The following FRMPD3 variants were observed in gnomAD, a reference collection of about 807,000 sequenced individuals.
FRMPD3 encodes FERM and PDZ domain containing 3.
A neutral mutation model predicts 97.9 loss-of-function variants in FRMPD3; 42 were observed. The observed-to-expected ratio is 0.43, with a 90% CI of 0.34 to 0.55. The LOEUF (loss-of-function observed/expected upper bound fraction) is 0.55. Among genes scored for constraint, FRMPD3 ranks in the 20% least tolerant of loss-of-function variants. FRMPD3 has a pLI of 0.03. For synonymous variants in FRMPD3, 577 were observed against 581.1 expected (o/e 0.99, Z 0.10); for missense variants, 1,303 against 1,457.7 (o/e 0.89, Z 1.73).
intron 11 of FRMPD3, among the ~76,000 whole-genome samples, chrX:107,564,580 C>T (rs1293654780): frequency 2.7e-5 from 3 of 112,137 alleles, no homozygotes; most frequent in Admixed American, 9.4e-5. Context: ...TCCAAAGGCC[C>T]CCAAACAAAC....
intron 2 of FRMPD3, among the ~76,000 whole-genome samples, chrX:107,528,260 C>A (rs751944108): frequency 3.6e-5 from 4 of 111,322 alleles, no homozygotes; most frequent in Admixed American, 1.9e-4. Flanking sequence ...TATTTGAGGC[C>A]GTAATAAAGA....
At chrX:107,516,446 G>A (rs1415661999) in intron 1 of FRMPD3, among the ~76,000 whole-genome samples, 1 of 111,378 alleles carries the variant, frequency 9.0e-6, no homozygotes, top group Non-Finnish European at 1.9e-5. Flanking sequence ...CTGAGGAATC[G>A]CCACACTGAC....
intron 1 of FRMPD3, among the ~76,000 whole-genome samples, chrX:107,497,645 T>A (rs768397721): frequency 1.4e-4 from 16 of 112,381 alleles, no homozygotes; most frequent in Non-Finnish European, 2.8e-4. Flanking sequence ...AATGACAGTG[T>A]CAAACTGGGG....
At chrX:107,581,393 G>A (rs765181965) in intron 13 of FRMPD3, among the ~76,000 whole-genome samples, 3 of 110,251 alleles carry the variant, frequency 2.7e-5, no homozygotes, top group Non-Finnish European at 5.7e-5. Context: ...TTACAGGCAT[G>A]AGCCACCACG....
chrX:107,573,281 G>T (rs1374344784), intron 12 of FRMPD3, among the ~76,000 whole-genome samples: 1 of 111,048 alleles, frequency 9.0e-6, no homozygotes, highest in Admixed American at 9.6e-5. Flanking sequence ...GGATGGCCGC[G>T]ATGTGAAAAC....
At chrX:107,474,031 G>C (rs1921135622) in intron 1 of FRMPD3, among the ~76,000 whole-genome samples, 1 of 112,555 alleles carries the variant, frequency 8.9e-6, no homozygotes, top group Non-Finnish European at 1.9e-5. Context: ...GTTACAGTGA[G>C]CTGAGATCAC....
At chrX:107,477,360 TG>T (rs1921227097) in intron 1 of FRMPD3, among the ~76,000 whole-genome samples, 1 of 69,044 alleles carries the variant, frequency 1.4e-5, no homozygotes, top group Non-Finnish European at 2.8e-5. Flanking sequence ...GGCTGGGGGG[TG>T]GGGAGAACCT....
At chrX:107,514,247 G>A (rs1464839741) in intron 1 of FRMPD3, among the ~76,000 whole-genome samples, 1 of 111,852 alleles carries the variant, frequency 8.9e-6, no homozygotes, top group African/African-American at 3.3e-5. Context: ...ATCACGCAGG[G>A]CCTTATGGGC....
chrX:107,552,997 C>A (rs1422052299), intron 7 of FRMPD3, 71 bp downstream of exon 7: 31 of 1,060,499 alleles, frequency 2.9e-5, no homozygotes, highest in Non-Finnish European at 3.5e-5. Flanking sequence ...CACTCCCTGT[C>A]TGGAAAATTT....
At chrX:107,451,251 G>A (rs1476781291) in intron 1 of FRMPD3, among the ~76,000 whole-genome samples, 2 of 112,295 alleles carry the variant, frequency 1.8e-5, no homozygotes, top group African/African-American at 6.5e-5. Flanking sequence ...GGGCGGGGCA[G>A]TCTCTGGACT....
At chrX:107,535,486 A>G (rs1923184160) in intron 4 of FRMPD3, among the ~76,000 whole-genome samples, 1 of 109,595 alleles carries the variant, frequency 9.1e-6, no homozygotes, top group Admixed American at 9.8e-5. Flanking sequence ...CCTGGCCAAC[A>G]TGGTGAAATC....
chrX:107,549,982 C>G (rs771941742), intron 5 of FRMPD3, 67 bp from the exon 6 acceptor site: 5 of 688,789 alleles, frequency 7.3e-6, no homozygotes, highest in Non-Finnish European at 1.1e-5. Context: ...TTTTCACACC[C>G]TTCCTCTGGC....
intron 1 of FRMPD3, among the ~76,000 whole-genome samples, chrX:107,485,618 T>C (rs1485057938): frequency 8.9e-6 from 1 of 112,123 alleles, no homozygotes; most frequent in Non-Finnish European, 1.9e-5. Flanking sequence ...ACAGGTTTCA[T>C]TCTGACTTAG....
chrX:107,520,325 G>A (rs927018823), intron 1 of FRMPD3, among the ~76,000 whole-genome samples: 1 of 110,704 alleles, frequency 9.0e-6, no homozygotes, highest in Non-Finnish European at 1.9e-5. Flanking sequence ...CTCCTACGAA[G>A]CCTATCTCAT....
rs935292177 is a variant in FRMPD3 at position 107,563,645 on chromosome X, G to A, written c.1116+445G>A. On this transcript the variant is annotated intron_variant, in intron 11 of 14. Transcript: ENST00000683843. ...GTACTTTTCACATGTCACAAAACATGCCTCTTCTGATTTTTTTTCCCTACC... is the reference window on the plus strand; with the variant it reads ...GTACTTTTCACATGTCACAAAACATACCTCTTCTGATTTTTTTTCCCTACC... Among the ~76,000 whole-genome samples the A allele has an allele frequency of 2.7e-5, 3 of 112,348 alleles. No homozygotes were observed. The East Asian group carries it at 8.4e-4, about 31-fold the overall frequency.
chrX:107,535,537 G>A (rs1448318681), intron 4 of FRMPD3, among the ~76,000 whole-genome samples: 1 of 109,820 alleles, frequency 9.1e-6, no homozygotes, highest in African/African-American at 3.3e-5. Flanking sequence ...GGCTGGGATG[G>A]TGGAACGCAC....
intron 1 of FRMPD3, among the ~76,000 whole-genome samples, chrX:107,454,046 C>G (rs1023340165): frequency 8.9e-6 from 1 of 112,007 alleles, no homozygotes; most frequent in African/African-American, 3.2e-5. Context: ...TCTCAGCATG[C>G]ATGCCGTAGC....
chrX:107,541,885 C>G (rs2147568030), intron 4 of FRMPD3, among the ~76,000 whole-genome samples: 1 of 112,429 alleles, frequency 8.9e-6, no homozygotes, highest in East Asian at 2.8e-4. Flanking sequence ...TATTTCAATA[C>G]TTTGGGTAAA....
chrX:107,519,447 T>A (rs1353617401), intron 1 of FRMPD3, among the ~76,000 whole-genome samples: 1 of 112,110 alleles, frequency 8.9e-6, no homozygotes, highest in African/African-American at 3.2e-5. Context: ...TGAGCTATGA[T>A]TCTGCCACTG....
Sources: gnomAD v4.1 joint callset for allele counts (sites outside exome capture counted in the v4.1 genomes callset) on GRCh38, gnomAD v4.1.1 for gene constraint, MANE v1.5 for transcripts, NCBI Gene and HGNC (gene_info 2026-07-23, HGNC 2026-07-21) for gene names.